SGCZ: variants seen among roughly 807,000 people sequenced by gnomAD.
The protein encoded by SGCZ is sarcoglycan zeta, also known as zeta-sarcoglycan.
SGCZ carries 40 observed loss-of-function variants against 41.3 expected under a neutral mutation model. That is an observed-to-expected ratio of 0.97 (90% CI 0.75 to 1.26). The LOEUF (loss-of-function observed/expected upper bound fraction) is 1.26, where lower values mean the gene tolerates loss of function less well. Among genes scored for constraint, SGCZ ranks in the 50% most tolerant of loss-of-function variants. The pLI, the probability that SGCZ is intolerant of heterozygous loss-of-function variation, is 0.00. For missense variants in SGCZ, 552 were observed against 369.8 expected (o/e 1.49, Z -4.04); for synonymous variants, 206 against 137.5 (o/e 1.50, Z -3.49).
At chr8:15,210,549 C>G (rs961253585) in intron 1 of SGCZ, among the ~76,000 whole-genome samples, 8 of 152,134 alleles carry the variant, frequency 5.3e-5, no homozygotes, top group African/African-American at 1.9e-4. Context: ...GTCTTCAGAT[C>G]AATTACCTCC....
chr8:14,858,046 T>C (rs1803601285), intron 1 of SGCZ, among the ~76,000 whole-genome samples: 2 of 152,170 alleles, frequency 1.3e-5, no homozygotes, highest in African/African-American at 4.8e-5. Flanking sequence ...GTGAACTTTA[T>C]ATTTATTAGA....
At chr8:14,759,067 A>C (rs745386645) in intron 1 of SGCZ, among the ~76,000 whole-genome samples, 1 of 152,136 alleles carries the variant, frequency 6.6e-6, no homozygotes, top group Non-Finnish European at 1.5e-5. Context: ...AGTAACTTAA[A>C]ATGCAACTGT....
At chr8:15,108,605 A>G (rs1806925918) in intron 1 of SGCZ, among the ~76,000 whole-genome samples, 1 of 152,214 alleles carries the variant, frequency 6.6e-6, no homozygotes, top group Non-Finnish European at 1.5e-5. Context: ...TAGAAAGTAC[A>G]TAGGATTGAT....
At chr8:15,119,268 C>A (rs916410907) in intron 1 of SGCZ, among the ~76,000 whole-genome samples, 1 of 152,160 alleles carries the variant, frequency 6.6e-6, no homozygotes, top group Non-Finnish European at 1.5e-5. Flanking sequence ...CAGTGGCTCA[C>A]TCCTGTAATC....
At chr8:14,665,546 A>C (rs1340452869) in intron 1 of SGCZ, among the ~76,000 whole-genome samples, 3 of 152,184 alleles carry the variant, frequency 2.0e-5, no homozygotes, top group African/African-American at 7.2e-5. Flanking sequence ...TGGCTGGGTC[A>C]AATGGTATTT....
intron 7 of SGCZ, among the ~76,000 whole-genome samples, chr8:14,098,792 G>T (rs1395130722): frequency 6.6e-6 from 1 of 152,152 alleles, no homozygotes; most frequent in Non-Finnish European, 1.5e-5. Flanking sequence ...GTAAGAGTAA[G>T]TAAGGATTGC....
At chr8:14,769,920 G>A (rs1353006275) in intron 1 of SGCZ, among the ~76,000 whole-genome samples, 2 of 150,738 alleles carry the variant, frequency 1.3e-5, no homozygotes, top group Non-Finnish European at 2.9e-5. Flanking sequence ...CGGGTATGCT[G>A]CAGGCATAAA....
At chr8:14,426,361 T>C (rs943557589) in intron 2 of SGCZ, among the ~76,000 whole-genome samples, 2 of 152,054 alleles carry the variant, frequency 1.3e-5, no homozygotes, top group African/African-American at 4.8e-5. Context: ...GTGAGAGTAT[T>C]TCCCCTCCCC....
At chr8:14,189,918 T>G (rs1199776071) in intron 4 of SGCZ, among the ~76,000 whole-genome samples, 1 of 152,152 alleles carries the variant, frequency 6.6e-6, no homozygotes, top group Non-Finnish European at 1.5e-5. Flanking sequence ...GATAGAAAAT[T>G]TGTTTATTTA....
intron 3 of SGCZ, among the ~76,000 whole-genome samples, chr8:14,259,320 T>C (rs576470587): frequency 2.3e-4 from 35 of 152,238 alleles, no homozygotes; most frequent in African/African-American, 8.2e-4. Flanking sequence ...TTTAATTAGA[T>C]CCCATTTGTC....
chr8:14,259,451 G>A (rs1054689505), intron 3 of SGCZ, among the ~76,000 whole-genome samples: 3 of 150,482 alleles, frequency 2.0e-5, no homozygotes, highest in South Asian at 2.1e-4. Flanking sequence ...TAGGTCGAAC[G>A]TTTAAGTCTT....
chr8:15,077,772 A>G (rs1241213118), intron 1 of SGCZ, among the ~76,000 whole-genome samples: 1 of 152,188 alleles, frequency 6.6e-6, no homozygotes, highest in East Asian at 1.9e-4. Flanking sequence ...AACATCCAGC[A>G]AATCTACAGA....
chr8:15,180,173 C>T (rs549468), intron 1 of SGCZ, among the ~76,000 whole-genome samples: 1 of 151,890 alleles, frequency 6.6e-6, no homozygotes, highest in Non-Finnish European at 1.5e-5. Flanking sequence ...CCTCTCATCC[C>T]GCAAAACTAA....
At chr8:15,127,647 A>C (rs1807755373) in intron 1 of SGCZ, among the ~76,000 whole-genome samples, 2 of 152,182 alleles carry the variant, frequency 1.3e-5, no homozygotes, top group Non-Finnish European at 2.9e-5. Context: ...CTTCTTGGAT[A>C]TTTTTTCAAT....
At chr8:14,588,168 A>C in intron 1 of SGCZ, among the ~76,000 whole-genome samples, 1 of 147,988 alleles carries the variant, frequency 6.8e-6, no homozygotes, top group East Asian at 2.0e-4. Context: ...ATATGATAAA[A>C]TTTTTCAGGA....
chr8:15,215,082 C>A (rs922349548), intron 1 of SGCZ, among the ~76,000 whole-genome samples: 1 of 152,096 alleles, frequency 6.6e-6, no homozygotes, highest in Non-Finnish European at 1.5e-5. Context: ...CTCTTTTCAA[C>A]TTTAAGTAAT....
intron 2 of SGCZ, among the ~76,000 whole-genome samples, chr8:14,422,572 G>A (rs1799664046): frequency 6.6e-6 from 1 of 152,168 alleles, no homozygotes; most frequent in South Asian, 2.1e-4. Flanking sequence ...TTTATGTGGA[G>A]CGACTTTTCT....
chr8:14,775,459 G>C (rs562363331), intron 1 of SGCZ, among the ~76,000 whole-genome samples: 3 of 45,300 alleles, frequency 6.6e-5, no homozygotes, highest in South Asian at 6.5e-4. Flanking sequence ...TAGAATATTT[G>C]AGTGTGTGTG....
At chr8:15,150,915 C>T (rs1799161425) in intron 1 of SGCZ, among the ~76,000 whole-genome samples, 1 of 152,166 alleles carries the variant, frequency 6.6e-6, no homozygotes, top group African/African-American at 2.4e-5. Flanking sequence ...CATTTTCACA[C>T]CCTTGTGTAA....
Sources: gnomAD v4.1 joint callset for allele counts (sites outside exome capture counted in the v4.1 genomes callset) on GRCh38, gnomAD v4.1.1 for gene constraint, MANE v1.5 for transcripts, NCBI Gene and HGNC (gene_info 2026-07-23, HGNC 2026-07-21) for gene names.